SERPINA4: variants seen among roughly 807,000 people sequenced by gnomAD.
SERPINA4 encodes the protein kallistatin.
SERPINA4 carries 24 observed loss-of-function variants against 25.4 expected under a neutral mutation model. The ratio of observed to expected loss-of-function variants is 0.95; its 90% CI spans 0.69 to 1.33. SERPINA4 has a LOEUF of 1.33. Ranked by LOEUF, SERPINA4 falls within the 40% of genes most tolerant of loss-of-function variation. The probability of loss-of-function intolerance (pLI) is 0.00; values close to 1 mark genes in which losing one functional copy is unlikely to be tolerated. For missense variants in SERPINA4, 553 were observed against 535.8 expected (o/e 1.03, Z -0.32); for synonymous variants, 242 against 223.6 (o/e 1.08, Z -0.73).
intron 2 of SERPINA4, among the ~76,000 whole-genome samples, chr14:94,564,670 A>C (rs1902146635): frequency 6.6e-6 from 1 of 152,256 alleles, no homozygotes; most frequent in Non-Finnish European, 1.5e-5. Flanking sequence ...GGCTGACTTC[A>C]TGCTACAATG....
chr14:94,565,056 G>C (rs1193565097), intron 2 of SERPINA4, among the ~76,000 whole-genome samples: 1 of 152,202 alleles, frequency 6.6e-6, no homozygotes, highest in Non-Finnish European at 1.5e-5. Flanking sequence ...TCAATGGTAA[G>C]GAGATCATTA....
At chr14:94,565,842 C>T (rs1170702475) in intron 2 of SERPINA4, among the ~76,000 whole-genome samples, 1 of 151,978 alleles carries the variant, frequency 6.6e-6, no homozygotes, top group African/African-American at 2.4e-5. Flanking sequence ...CAGAATGAGA[C>T]TCTATCTCCA....
intron 2 of SERPINA4, among the ~76,000 whole-genome samples, chr14:94,564,576 T>C (rs1175860837): frequency 6.6e-6 from 1 of 152,238 alleles, no homozygotes; most frequent in East Asian, 1.9e-4. Context: ...CTACAGCCCA[T>C]GGGCCAAATG....
Position 94,569,817 on chromosome 14 carries a change from C to T in SERPINA4, c.*222C>T. On this transcript the variant is annotated 3_prime_UTR_variant, in exon 5 of 5. Coordinates refer to ENST00000557004, the MANE Select transcript of SERPINA4 (RefSeq NM_006215.4). The stretch of plus-strand genomic sequence containing the variant: ...GTGCAGCCTCTGGCAGAGCATCCGA[C>T]CTCTTGGAGCAAGTTTCTGCCTCTG... 1.7e-6 allele frequency: 1 copy of T among 582,536 alleles called. No homozygotes were observed. The highest frequency in any genetic ancestry group is 3.1e-6 in the Non-Finnish European group (1 of 327,548). The allele number at this position is 582,536 out of a possible 1,614,324, so 36.1% of individuals were successfully genotyped here. A position where few individuals can be genotyped will look rare whatever the true frequency, so the allele number is the denominator to read the frequency against.
intron 2 of SERPINA4, among the ~76,000 whole-genome samples, chr14:94,564,482 C>T (rs1187331719): frequency 6.6e-6 from 1 of 152,212 alleles, no homozygotes; most frequent in Non-Finnish European, 1.5e-5. Flanking sequence ...TAAGACAAGT[C>T]TCTAATTCAA....
chr14:94,568,074 G>A, intron 3 of SERPINA4, 55 bp from the exon 4 acceptor site: 1 of 1,591,154 alleles, frequency 6.3e-7, no homozygotes, highest in Non-Finnish European at 8.6e-7. Flanking sequence ...GCTCTGCCCA[G>A]CAGGGATCCT....
intron 2 of SERPINA4, among the ~76,000 whole-genome samples, chr14:94,564,736 A>T (rs749612235): frequency 2.0e-4 from 31 of 152,208 alleles, no homozygotes; most frequent in Non-Finnish European, 2.4e-4. Context: ...AAAATAGTTA[A>T]TATCTCTATA....
chr14:94,567,097 A>G lies in SERPINA4; in HGVS notation c.777A>G (p.Arg259=), dbSNP rs757763196. 9.9e-6 allele frequency: 16 copies of G among 1,614,202 alleles called. No individual in the cohort carries two copies. Among genetic ancestry groups the G allele is most frequent in the Non-Finnish European group, 6.8e-6 (8 of 1,180,040 alleles). ...AGCATCACTGGTATCTTCATGACAG[A>G]TACTTGCCCTGCTCGGTGCTACGGA... The part of the protein sequence containing the change: ...DQEHHWYLHD[R]YLPCSVLRMD... Residue 259 remains arginine (R), a synonymous_variant, in exon 3 of 5, where the codon AGA becomes AGG. Coordinates refer to ENST00000557004, the MANE Select transcript of SERPINA4 (RefSeq NM_006215.4).
intron 2 of SERPINA4, among the ~76,000 whole-genome samples, chr14:94,564,601 T>G (rs999650354): frequency 1.7e-4 from 26 of 152,236 alleles, no homozygotes; most frequent in Admixed American, 2.6e-4. Context: ...CAGCCACTGG[T>G]TTTGTAAATA....
chr14:94,566,558 C>T (rs1902218128), intron 2 of SERPINA4, among the ~76,000 whole-genome samples: 1 of 152,174 alleles, frequency 6.6e-6, no homozygotes, highest in Non-Finnish European at 1.5e-5. Flanking sequence ...GCATTTGAAC[C>T]CACAAGCTCA....
chr14:94,568,046 A>AGAGG (rs1228906480), intron 3 of SERPINA4, 83 bp from the exon 4 acceptor site: 8 of 1,406,070 alleles, frequency 5.7e-6, no homozygotes, highest in Non-Finnish European at 7.9e-6. Flanking sequence ...AGCCAGCTAG[A>AGAGG]GAGGGCCACC....
chr14:94,562,742 G>A (rs910517083), intron 1 of SERPINA4, among the ~76,000 whole-genome samples: 3 of 152,172 alleles, frequency 2.0e-5, no homozygotes, highest in African/African-American at 7.2e-5. Context: ...CCATTTGATG[G>A]GGCAGGAGCA....
rs757374482 is a variant in SERPINA4, at chr14:94,568,164, A to G, written c.959A>G (p.Lys320Arg). The change falls in exon 4 of 5, where the codon AAG becomes AGG. Residue 320 changes from lysine to arginine, a missense_variant. Transcript: ENST00000557004. ...FYKKLELHLP[K>R]FSISGSYVLD... ...AAGAAGCTAGAGTTGCATCTTCCCAAGTTCTCCATTTCTGGCTCCTATGTA... is the reference window on the plus strand; with the variant it reads ...AAGAAGCTAGAGTTGCATCTTCCCAGGTTCTCCATTTCTGGCTCCTATGTA... 2 of 1,614,208 alleles carry G rather than the reference A, an allele frequency of 1.2e-6. No individual in the cohort carries two copies. Among genetic ancestry groups the G allele is most frequent in the South Asian group, 1.1e-5 (1 of 91,082 alleles).
chr14:94,566,066 A>G (rs569926423), intron 2 of SERPINA4, among the ~76,000 whole-genome samples: 49 of 152,160 alleles, frequency 3.2e-4, no homozygotes, highest in African/African-American at 1.2e-3. Flanking sequence ...CGCCTCCTGT[A>G]TTTGCTTCCC....
rs151234180 is a variant in SERPINA4, at chr14:94,563,730, C to A, written c.248C>A (p.Ser83Ter). Residue 83 changes from serine to a stop codon, truncating the protein, a stop_gained, in exon 2 of 5, where the codon TCG becomes TAG. Coordinates refer to ENST00000557004, the MANE Select transcript of SERPINA4 (RefSeq NM_006215.4). LOFTEE classifies it high-confidence loss of function. ...ATCTTTTTCTCCCCGCTGAGCATCTCGGCGGCCTACGCCATGCTTTCCCTG... is the reference window on the plus strand; with the variant it reads ...ATCTTTTTCTCCCCGCTGAGCATCTAGGCGGCCTACGCCATGCTTTCCCTG... ...KNIFFSPLSI[S>*]AAYAMLSLGA... 5 of 1,614,020 alleles carry A rather than the reference C, an allele frequency of 3.1e-6. No individual in the cohort carries two copies. The South Asian group carries it at 5.5e-5, about 18-fold the overall frequency.
intron 2 of SERPINA4, among the ~76,000 whole-genome samples, chr14:94,564,368 A>C (rs1171934117): frequency 6.6e-6 from 1 of 152,218 alleles, no homozygotes. Flanking sequence ...TAATGTATAA[A>C]ATGCATTATA....
At position 94,563,973 on chromosome 14, in the gene SERPINA4, A is replaced by G; in HGVS notation, c.491A>G (p.Glu164Gly). Residue 164 changes from glutamate (E) to glycine (G), a missense_variant, in exon 2 of 5, where the codon GAG (glutamate) becomes GGG (glycine). Transcript: ENST00000557004. ...KFLNDTMAVY[E>G]AKLFHTNFYD... ...CTGAATGACACCATGGCCGTCTATG[A>G]GGCTAAACTCTTCCACACCAACTTC... The G allele has an allele frequency of 6.2e-7, 1 of 1,614,156 alleles. No individual in the cohort carries two copies. The highest frequency in any genetic ancestry group is 8.5e-7 in the Non-Finnish European group (1 of 1,180,030).
At position 94,569,422 on chromosome 14, in the gene SERPINA4, G is replaced by A; in HGVS notation, c.1111G>A (p.Asp371Asn). The A allele has an allele frequency of 1.2e-6, 2 of 1,614,060 alleles. No homozygotes were observed. Among genetic ancestry groups the A allele is most frequent in the Non-Finnish European group, 1.7e-6 (2 of 1,180,028 alleles). The change falls in exon 5 of 5, where the codon GAT becomes AAT. Residue 371 changes from aspartate (D) to asparagine (N), a missense_variant. Physicochemically the swap from Asp to Asn is conservative, Grantham distance 23. Transcript: ENST00000557004. ...TTTCCACAAGGCCACCTTGGACGTG[G>A]ATGAGGCTGGCACCGAGGCTGCAGC... ...KSFHKATLDVDEAGTEAAAAT... is the reference protein window; with the variant it reads ...KSFHKATLDVNEAGTEAAAAT...
At position 94,563,540 on chromosome 14, in the gene SERPINA4, G is replaced by A. The variant is rs910525525; in HGVS notation, c.58G>A (p.Gly20Ser). 2 of 1,614,008 alleles carry A rather than the reference G, an allele frequency of 1.2e-6. No individual in the cohort carries two copies. The highest frequency in any genetic ancestry group is 1.7e-6 in the Non-Finnish European group (2 of 1,180,026). ...LLVGLLALSHGQLHVEHDGES... is the reference protein window; with the variant it reads ...LLVGLLALSHSQLHVEHDGES... Reference sequence around the variant, plus strand: ...GGTTGGACTACTGGCCCTTTCTCATGGCCAGCTGCACGTTGAGCATGATGG... The same window carrying A: ...GGTTGGACTACTGGCCCTTTCTCATAGCCAGCTGCACGTTGAGCATGATGG... The change falls in exon 2 of 5, where the codon GGC becomes AGC. Residue 20 changes from glycine to serine, a missense_variant. Transcript: ENST00000557004.
Sources: gnomAD v4.1 joint callset for allele counts (sites outside exome capture counted in the v4.1 genomes callset) on GRCh38, gnomAD v4.1.1 for gene constraint, MANE v1.5 for transcripts, NCBI Gene and HGNC (gene_info 2026-07-23, HGNC 2026-07-21) for gene names.